The following MACROD2 variants were observed in gnomAD, a reference collection of about 807,000 sequenced individuals.
The protein encoded by MACROD2 is ADP-ribose glycohydrolase MACROD2.
In MACROD2, 36 loss-of-function variants were observed where a neutral mutation model predicts 70.4. The ratio of observed to expected loss-of-function variants is 0.51; its 90% CI spans 0.39 to 0.68. MACROD2 has a LOEUF of 0.68. Ranked by LOEUF, MACROD2 falls within the 30% of genes least tolerant of loss-of-function variation. The pLI is 0.00. For synonymous variants in MACROD2, 172 were observed against 178.8 expected (o/e 0.96, Z 0.30); for missense variants, 496 against 538.4 (o/e 0.92, Z 0.78).
intron 13 of MACROD2, among the ~76,000 whole-genome samples, chr20:15,980,524 G>C (rs1343278758): frequency 6.6e-6 from 1 of 152,178 alleles, no homozygotes; most frequent in East Asian, 1.9e-4. Context: ...AGCACAGGTA[G>C]CAAACAAGGG....
chr20:15,941,305 C>A (rs1342789052), intron 12 of MACROD2, among the ~76,000 whole-genome samples: 5 of 152,112 alleles, frequency 3.3e-5, no homozygotes, highest in Admixed American at 2.6e-4. Context: ...TTGAAATCCA[C>A]ACTAGTATGC....
chr20:14,855,148 C>T (rs918063214), intron 5 of MACROD2, among the ~76,000 whole-genome samples: 1 of 152,140 alleles, frequency 6.6e-6, no homozygotes, highest in African/African-American at 2.4e-5. Flanking sequence ...TTATAACTCT[C>T]GATTGATAAT....
chr20:14,865,788 A>T (rs750410766), intron 5 of MACROD2, among the ~76,000 whole-genome samples: 1 of 152,040 alleles, frequency 6.6e-6, no homozygotes, highest in Admixed American at 6.6e-5. Flanking sequence ...TGCCAGTTCT[A>T]TTTAATTAAA....
intron 6 of MACROD2, among the ~76,000 whole-genome samples, chr20:15,361,289 G>A (rs2423954): frequency 0.47 from 71,721 of 151,928 alleles, 17,364 homozygotes; most frequent in Middle Eastern, 0.62. Context: ...TCTATGGATA[G>A]CCAACTGCTA....
At chr20:14,172,546 C>A (rs1477123731) in intron 3 of MACROD2, among the ~76,000 whole-genome samples, 3 of 152,120 alleles carry the variant, frequency 2.0e-5, no homozygotes, top group Non-Finnish European at 4.4e-5. Context: ...CTCAAGTGAT[C>A]CACCTGCCTC....
intron 2 of MACROD2, among the ~76,000 whole-genome samples, chr20:14,060,744 GTTTCT>G (rs1449304312): frequency 1.3e-5 from 2 of 152,114 alleles, no homozygotes; most frequent in African/African-American, 4.8e-5. Context: ...TGGCTTTGTA[GTTTCT>G]TTTAACAGTA....
intron 8 of MACROD2, among the ~76,000 whole-genome samples, chr20:15,609,497 A>G (rs1328989065): frequency 2.0e-5 from 3 of 152,214 alleles, no homozygotes; most frequent in African/African-American, 7.2e-5. Context: ...AGCTCAATAC[A>G]GCCATCCATA....
At chr20:15,271,785 C>G (rs946530790) in intron 6 of MACROD2, among the ~76,000 whole-genome samples, 5 of 152,154 alleles carry the variant, frequency 3.3e-5, no homozygotes, top group African/African-American at 1.2e-4. Context: ...ACCCTAAGAC[C>G]AGTGATAGTC....
chr20:15,240,023 AG>A (rs543337715), intron 6 of MACROD2, among the ~76,000 whole-genome samples: 8 of 152,280 alleles, frequency 5.3e-5, no homozygotes, highest in African/African-American at 1.9e-4. Flanking sequence ...GGTGAACAGC[AG>A]GGGGGTTTAC....
intron 5 of MACROD2, among the ~76,000 whole-genome samples, chr20:15,086,832 C>T (rs777171030): frequency 5.3e-5 from 8 of 152,018 alleles, no homozygotes; most frequent in Non-Finnish European, 1.0e-4. Flanking sequence ...CAAGATCCCC[C>T]GCTTACTTTA....
chr20:14,353,675 C>G (rs977996485), intron 3 of MACROD2, among the ~76,000 whole-genome samples: 3 of 152,140 alleles, frequency 2.0e-5, no homozygotes, highest in African/African-American at 7.2e-5. Flanking sequence ...TAGCTTTCCT[C>G]TTGGTCATGA....
At chr20:15,633,041 T>G (rs1600693334) in intron 8 of MACROD2, among the ~76,000 whole-genome samples, 2 of 152,234 alleles carry the variant, frequency 1.3e-5, no homozygotes, top group East Asian at 1.9e-4. Context: ...TTGCCTTTCA[T>G]TGTTTAACTG....
chr20:14,177,114 A>C (rs549191580), intron 3 of MACROD2, among the ~76,000 whole-genome samples: 1 of 152,150 alleles, frequency 6.6e-6, no homozygotes, highest in Non-Finnish European at 1.5e-5. Flanking sequence ...TTAGTGTACA[A>C]ACTTAATGCA....
chr20:15,378,528 T>C (rs928300912), intron 6 of MACROD2, among the ~76,000 whole-genome samples: 1 of 152,200 alleles, frequency 6.6e-6, no homozygotes, highest in African/African-American at 2.4e-5. Context: ...TGTTATGTTA[T>C]GCATTTATTT....
At chr20:16,038,744 G>C (rs1183156919) in intron 15 of MACROD2, among the ~76,000 whole-genome samples, 3 of 151,924 alleles carry the variant, frequency 2.0e-5, no homozygotes, top group Middle Eastern at 3.4e-3. Context: ...ACTTGTTCTT[G>C]TTCCTCTGAA....
chr20:14,889,985 TA>T (rs1399246073), intron 5 of MACROD2, among the ~76,000 whole-genome samples: 2 of 152,024 alleles, frequency 1.3e-5, no homozygotes, highest in Non-Finnish European at 2.9e-5. Context: ...CAGCTTGCAG[TA>T]GAAGTGATAA....
intron 6 of MACROD2, among the ~76,000 whole-genome samples, chr20:15,423,831 G>A (rs546827900): frequency 4.6e-5 from 7 of 151,698 alleles, no homozygotes; most frequent in African/African-American, 1.2e-4. Context: ...TGTCTTACTC[G>A]GTTCGGGATG....
chr20:15,203,924 AG>A (rs2076678943), intron 5 of MACROD2, among the ~76,000 whole-genome samples: 3 of 152,178 alleles, frequency 2.0e-5, no homozygotes, highest in Admixed American at 1.3e-4. Context: ...ATTCTGATGT[AG>A]GTGGTGTATA....
At chr20:14,522,491 C>T (rs970187362) in intron 4 of MACROD2, among the ~76,000 whole-genome samples, 2 of 152,178 alleles carry the variant, frequency 1.3e-5, no homozygotes, top group African/African-American at 4.8e-5. Context: ...CAGAAACTAT[C>T]TTGGGTAAGG....
Sources: allele counts gnomAD v4.1 joint callset (sites outside exome capture counted in the v4.1 genomes callset), GRCh38; gene constraint gnomAD v4.1.1; transcripts MANE v1.5; gene names NCBI Gene and HGNC (gene_info 2026-07-23, HGNC 2026-07-21).